Variants in LAMA1 observed in about 807,000 individuals in gnomAD.
LAMA1 encodes laminin subunit alpha 1.
In LAMA1, 219 loss-of-function variants were observed where a neutral mutation model predicts 348.7. That is an observed-to-expected ratio of 0.63 (90% confidence interval 0.56 to 0.70). LAMA1 has a LOEUF of 0.70. Among genes scored for constraint, LAMA1 ranks in the 30% least tolerant of loss-of-function variants. The probability of loss-of-function intolerance (pLI) is 0.00; values close to 1 mark genes in which losing one functional copy is unlikely to be tolerated. For missense variants in LAMA1, 3,744 were observed against 3,888.0 expected, an observed-to-expected ratio of 0.96 and a Z score of 0.99; for synonymous variants, 1,487 against 1,491.0, an observed-to-expected ratio of 1.00 and a Z score of 0.06.
intron 3 of LAMA1, among the ~76,000 whole-genome samples, chr18:7,057,086 G>T (rs2058085029): frequency 6.6e-6 from 1 of 152,040 alleles, no homozygotes; most frequent in Non-Finnish European, 1.5e-5. Flanking sequence ...TGGCCAGGCT[G>T]GTCTGAAACT....
Position 6,983,193 on chromosome 18 carries a change from C to G in LAMA1, c.5702G>C (p.Ser1901Thr). Residue 1901 changes from serine (S) to threonine (T), a missense_variant, in exon 40 of 63, where the codon AGT becomes ACT. Ser to Thr is a moderately conservative substitution (Grantham distance 58). Around this residue, in one of 3 missense-constraint regions of LAMA1, gnomAD observed 1,983 missense variants for 1,934.3 expected, o/e 1.03. Transcript: ENST00000389658. ...NIRNVSLNAT[S>T]AAYVHYNIQS... is the part of the protein sequence containing the mutation. ...GATGTTGTAATGGACATAGGCTGCA[C>G]TGGTGGCATTCAGGGACACATTTCT... The G allele has an allele frequency of 6.2e-7, 1 of 1,614,196 alleles. No individual in the cohort carries two copies. Among genetic ancestry groups the G allele is most frequent in the Non-Finnish European group, 8.5e-7 (1 of 1,180,020 alleles).
intron 1 of LAMA1, among the ~76,000 whole-genome samples, chr18:7,095,122 TTCTCTCTCTCTCTCTCTCTC>T (rs71165720): frequency 7.9e-6 from 1 of 126,530 alleles, no homozygotes; most frequent in Non-Finnish European, 1.6e-5. Context: ...CTCAGGACCT[TTCTCTCTCTCTCTCTCTCTC>T]TCTCTCTCTC....
In LAMA1 at chr18:7,033,036, G is replaced by A; in HGVS notation, c.2111C>T (p.Ala704Val). Reference protein sequence around the residue: ...SSNAIDLVVAADVEHCECPQG... With the variant: ...SSNAIDLVVAVDVEHCECPQG... Reference sequence around the variant, plus strand: ...CGGACATTCACAGTGCTCCACATCAGCGGCCACCACCAGGTCGATGGCATT... The same window carrying A: ...CGGACATTCACAGTGCTCCACATCAACGGCCACCACCAGGTCGATGGCATT... Residue 704 changes from alanine to valine, a missense_variant, in exon 15 of 63, where the codon GCT becomes GTT. Transcript: ENST00000389658. The A allele has an allele frequency of 1.2e-6, 2 of 1,612,634 alleles. No homozygotes were observed. The highest frequency in any genetic ancestry group is 1.7e-6 in the Non-Finnish European group (2 of 1,179,380).
intron 1 of LAMA1, among the ~76,000 whole-genome samples, chr18:7,106,403 A>C (rs1231895867): frequency 6.8e-6 from 1 of 148,108 alleles, no homozygotes; most frequent in Non-Finnish European, 1.5e-5. Context: ...CTCTGTCGCC[A>C]GGCTGGAGTG....
rs144060384 is a variant in LAMA1, at chr18:7,034,627, G to C, written c.1903C>G (p.Leu635Val). ...TCAGGCACAAGTCTAACCACGTTTAGGTACTCTTCATAAGGCTGCAATGAC... is the reference window on the plus strand; with the variant it reads ...TCAGGCACAAGTCTAACCACGTTTACGTACTCTTCATAAGGCTGCAATGAC... ...GLSLQPYEEY[L>V]NVVRLVPENF... The change falls in exon 14 of 63, where the codon CTA becomes GTA. Residue 635 changes from leucine (L) to valine (V), a missense_variant. By Grantham distance (32) the Leu-to-Val change is conservative. Coordinates refer to ENST00000389658, the MANE Select transcript of LAMA1 (RefSeq NM_005559.4). The C allele has an allele frequency of 4.4e-5, 71 of 1,614,036 alleles. No homozygotes were observed. The highest frequency in any genetic ancestry group is 5.8e-5 in the Non-Finnish European group (69 of 1,180,040).
intron 32 of LAMA1, among the ~76,000 whole-genome samples, chr18:6,998,802 G>A (rs2057794115): frequency 6.6e-6 from 1 of 152,310 alleles, no homozygotes; most frequent in East Asian, 1.9e-4. Context: ...GGAGGCCAAG[G>A]CAGGCGGATT....
intron 1 of LAMA1, among the ~76,000 whole-genome samples, chr18:7,088,508 T>TTTA (rs538385541): frequency 1.6e-4 from 25 of 152,038 alleles, no homozygotes; most frequent in African/African-American, 6.0e-4. Context: ...TAAAAAATTA[T>TTTA]TTATTATTAT....
rs1366315323 is a variant in LAMA1, at chr18:7,097,518, T to G, written c.62-17061A>C. On this transcript the variant is annotated intron_variant, in intron 1 of 62. Transcript: ENST00000389658. Reference sequence around the variant, plus strand: ...AGCTGGCTTTTTTTTTTTTTTTTTTTGTAGAAATTGGCAAGCTGATACAAT... The same window carrying G: ...AGCTGGCTTTTTTTTTTTTTTTTTTGGTAGAAATTGGCAAGCTGATACAAT... Among the ~76,000 whole-genome samples, 5 of 86,094 alleles carry G rather than the reference T, an allele frequency of 5.8e-5. No individual in the cohort carries two copies. In the East Asian group the frequency reaches 1.2e-3, roughly 21 times the overall value. 56.5% of individuals were successfully genotyped at this position (86,094 alleles called of 152,430 possible). A position where few individuals can be genotyped will look rare whatever the true frequency, so the allele number is the denominator to read the frequency against.
In LAMA1 at chr18:7,108,284, C is replaced by T. The variant is rs150425373; in HGVS notation, c.61+9376G>A. 4.9e-3 allele frequency among the ~76,000 whole-genome samples: 740 copies of T among 151,760 alleles called. 3 individuals carry two copies. Among genetic ancestry groups the T allele is most frequent in the Non-Finnish European group, 7.9e-3 (534 of 67,946 alleles). ...CTGGGAGGCAGAGGTTTCTGTGAGC[C>T]GAGATGGCACCACTGCACTCCACCA... On this transcript the variant is annotated intron_variant, in intron 1 of 62. Transcript: ENST00000389658.
chr18:7,074,057 T>A (rs2058156983), intron 3 of LAMA1, among the ~76,000 whole-genome samples: 1 of 151,980 alleles, frequency 6.6e-6, no homozygotes. Context: ...ATGGTCTCAA[T>A]CTCCTGACCT....
chr18:7,031,829 T>G (rs1363086339), intron 16 of LAMA1, among the ~76,000 whole-genome samples: 1 of 150,800 alleles, frequency 6.6e-6, no homozygotes, highest in Admixed American at 6.6e-5. Context: ...TAAAAAGAAC[T>G]ATAATGAAGT....
In LAMA1 at chr18:6,973,091, A is replaced by T. The variant is rs1413607434; in HGVS notation, c.6740T>A (p.Leu2247His). The stretch of plus-strand genomic sequence containing the variant: ...TCCTCCAAGACCTCCAACAAACATG[A>T]GTGTTGAATTGTTTACATCCAGAAC... ...ANVLDVNNST[L>H]MFVGGLGGQI... Residue 2247 changes from leucine (L) to histidine (H), a missense_variant, in exon 47 of 63, where the codon CTC becomes CAC. Leu to His is a moderately conservative substitution (Grantham distance 99). This residue lies in a region of LAMA1 where 1,983 missense variants were observed against 1,934.3 expected (regional missense o/e 1.03). Transcript: ENST00000389658. The T allele has an allele frequency of 1.9e-6, 3 of 1,614,022 alleles. No individual in the cohort carries two copies. In the African/African-American group the frequency reaches 4.0e-5, roughly 22 times the overall value.
intron 3 of LAMA1, among the ~76,000 whole-genome samples, chr18:7,055,069 T>C (rs1334959057): frequency 6.6e-6 from 1 of 152,006 alleles, no homozygotes; most frequent in African/African-American, 2.4e-5. Context: ...TTTGACTGCC[T>C]TGGGAGTTGG....
intron 55 of LAMA1, chr18:6,957,021 AC>A (rs955521440): frequency 4.5e-5 from 21 of 461,970 alleles, no homozygotes; most frequent in East Asian, 2.7e-4. Flanking sequence ...ATTCCTGAGC[AC>A]CCCCCAGGTC....
At chr18:6,944,370 T>G (rs925265733) in intron 61 of LAMA1, among the ~76,000 whole-genome samples, 1 of 152,194 alleles carries the variant, frequency 6.6e-6, no homozygotes, top group Non-Finnish European at 1.5e-5. Flanking sequence ...TCTCTTCTGA[T>G]GAACTGTAGA....
chr18:7,008,691 T>C, intron 27 of LAMA1, 83 bp from the exon 28 acceptor site: 2 of 1,510,610 alleles, frequency 1.3e-6, no homozygotes, highest in South Asian at 2.3e-5. Context: ...AACACTTGCA[T>C]ATATATGAAA....
intron 1 of LAMA1, among the ~76,000 whole-genome samples, chr18:7,101,607 C>T (rs956045531): frequency 2.0e-5 from 3 of 152,158 alleles, no homozygotes; most frequent in African/African-American, 7.2e-5. Context: ...AACCAATCCT[C>T]GTGTACCTCC....
At chr18:6,959,846 G>A (rs2057598846) in intron 53 of LAMA1, 1 of 295,980 alleles carries the variant, frequency 3.4e-6, no homozygotes, top group Admixed American at 4.5e-5. Flanking sequence ...TACCATACAT[G>A]TGAATGTTTA....
At chr18:7,054,647 T>C (rs190529489) in intron 3 of LAMA1, among the ~76,000 whole-genome samples, 1 of 152,284 alleles carries the variant, frequency 6.6e-6, no homozygotes, top group East Asian at 1.9e-4. Context: ...TGTGTACAGT[T>C]GACCCTTGAA....
Sources: allele counts gnomAD v4.1 joint callset (sites outside exome capture counted in the v4.1 genomes callset), GRCh38; gene constraint gnomAD v4.1.1; regional missense constraint gnomAD v4.1.1; transcripts MANE v1.5; gene names NCBI Gene and HGNC (gene_info 2026-07-23, HGNC 2026-07-21).